Variants in MED12L observed in about 807,000 individuals in gnomAD.
The protein encoded by MED12L is mediator complex subunit 12L.
MED12L carries 60 observed loss-of-function variants against 281.3 expected under a neutral mutation model. That is an observed-to-expected ratio of 0.21 (90% CI 0.17 to 0.26). MED12L has a LOEUF of 0.26. Ranked by LOEUF, MED12L falls within the 10% of genes least tolerant of loss-of-function variation. MED12L has a pLI of 1.00. For missense variants in MED12L, 2,146 were observed against 2,680.9 expected (o/e 0.80, Z 4.41); for synonymous variants, 974 against 987.2 (o/e 0.99, Z 0.25).
intron 27 of MED12L, among the ~76,000 whole-genome samples, chr3:151,375,040 A>T (rs929894117): frequency 3.3e-5 from 5 of 152,188 alleles, no homozygotes; most frequent in African/African-American, 1.2e-4. Context: ...AACTATGGTA[A>T]AAGATAGCTA....
intron 16 of MED12L, among the ~76,000 whole-genome samples, chr3:151,343,345 A>T (rs1213813173): frequency 6.6e-6 from 1 of 152,204 alleles, no homozygotes; most frequent in Non-Finnish European, 1.5e-5. Context: ...AAACCTCTAG[A>T]AGGGCTAACA....
intron 16 of MED12L, chr3:151,294,009 T>C: frequency 1.6e-6 from 1 of 616,166 alleles, no homozygotes; most frequent in Admixed American, 3.1e-5. Flanking sequence ...TGTTTATCTC[T>C]TTGCTATGCT....
chr3:151,142,547 A>G lies in MED12L; in HGVS notation c.557-13614A>G, dbSNP rs530801916. 2.0e-5 allele frequency among the ~76,000 whole-genome samples: 3 copies of G among 152,328 alleles called. No homozygotes were observed. The East Asian group carries it at 5.8e-4, about 29-fold the overall frequency. Reference sequence around the variant, plus strand: ...TACTGTCTTCAGACCCCCTACCTCTATCCCAGACCCCTCCTTACATAGTTT... The same window carrying G: ...TACTGTCTTCAGACCCCCTACCTCTGTCCCAGACCCCTCCTTACATAGTTT... On this transcript the variant is annotated intron_variant, in intron 5 of 44. Transcript: ENST00000687756.
chr3:151,400,082 C>T (rs1436680806), intron 39 of MED12L, among the ~76,000 whole-genome samples: 1 of 152,154 alleles, frequency 6.6e-6, no homozygotes, highest in Non-Finnish European at 1.5e-5. Flanking sequence ...CTGTCTCGAC[C>T]TCCTATAGTG....
intron 39 of MED12L, among the ~76,000 whole-genome samples, chr3:151,402,458 A>G (rs1438458124): frequency 2.0e-5 from 3 of 152,170 alleles, no homozygotes; most frequent in Non-Finnish European, 4.4e-5. Context: ...ACTTGGATTT[A>G]CTGGGGATGG....
At chr3:151,129,438 A>G (rs1161420640) in intron 5 of MED12L, among the ~76,000 whole-genome samples, 1 of 152,102 alleles carries the variant, frequency 6.6e-6, no homozygotes, top group East Asian at 1.9e-4. Context: ...ATGGCCTCTT[A>G]GTGTTGTTTT....
chr3:151,219,896 C>T (rs978018899), intron 16 of MED12L, among the ~76,000 whole-genome samples: 14 of 135,102 alleles, frequency 1.0e-4, no homozygotes, highest in African/African-American at 3.3e-4. Flanking sequence ...ATATTACCCC[C>T]CCCCCCCCCT....
intron 16 of MED12L, chr3:151,212,766 A>G (rs1727388977): frequency 2.0e-5 from 3 of 151,770 alleles, no homozygotes. Flanking sequence ...TTCTTAAGTG[A>G]TTGTCTGGGT....
At chr3:151,337,918 T>C (rs1376383529) in intron 16 of MED12L, 3 of 1,614,120 alleles carry the variant, frequency 1.9e-6, no homozygotes, top group East Asian at 2.2e-5. Flanking sequence ...AGCATACTTA[T>C]CAAGGAATTT....
At chr3:151,237,724 A>C (rs1283181394) in intron 16 of MED12L, among the ~76,000 whole-genome samples, 2 of 152,180 alleles carry the variant, frequency 1.3e-5, no homozygotes, top group Non-Finnish European at 2.9e-5. Context: ...TGTGGATATC[A>C]GTCCTCTCTG....
At chr3:151,286,785 C>G (rs921976543) in intron 16 of MED12L, among the ~76,000 whole-genome samples, 6 of 152,194 alleles carry the variant, frequency 3.9e-5, no homozygotes, top group Admixed American at 3.3e-4. Flanking sequence ...GCAACACTTT[C>G]ACTCTCAAAA....
chr3:151,113,681 A>C (rs1048488027), intron 2 of MED12L, among the ~76,000 whole-genome samples: 4 of 152,234 alleles, frequency 2.6e-5, no homozygotes, highest in African/African-American at 7.2e-5. Context: ...CAAAGCTCCC[A>C]ATAATATCTG....
At chr3:151,198,631 T>A (rs533481433) in intron 16 of MED12L, 13 of 1,613,862 alleles carry the variant, frequency 8.1e-6, no homozygotes, top group Non-Finnish European at 1.0e-5. Context: ...CAGTTATGAC[T>A]TCTGTCTGGC....
chr3:151,148,501 C>CT (rs1458741093), intron 5 of MED12L, among the ~76,000 whole-genome samples: 1 of 152,208 alleles, frequency 6.6e-6, no homozygotes, highest in Admixed American at 6.5e-5. Context: ...GTTAAACCCT[C>CT]TATGTCCTGC....
chr3:151,331,700 C>T (rs887831133), intron 16 of MED12L, among the ~76,000 whole-genome samples: 1 of 152,172 alleles, frequency 6.6e-6, no homozygotes, highest in Non-Finnish European at 1.5e-5. Context: ...CATTTAAGAT[C>T]CTATAGGGCT....
intron 16 of MED12L, chr3:151,212,680 A>G (rs955131074): frequency 6.6e-6 from 1 of 152,144 alleles, no homozygotes. Flanking sequence ...CTATCAGAAA[A>G]AAAAAATTTT....
intron 16 of MED12L, among the ~76,000 whole-genome samples, chr3:151,240,712 A>G (rs1669131555): frequency 6.6e-6 from 1 of 152,238 alleles, no homozygotes; most frequent in Admixed American, 6.5e-5. Flanking sequence ...TGCTGCTGTT[A>G]TGTAAATATC....
chr3:151,374,105 A>T (rs1756521721), intron 27 of MED12L, among the ~76,000 whole-genome samples: 1 of 152,196 alleles, frequency 6.6e-6, no homozygotes. Flanking sequence ...CCCTAGTAAG[A>T]ATGCTGATTC....
intron 16 of MED12L, among the ~76,000 whole-genome samples, chr3:151,307,740 A>C (rs1746904963): frequency 6.6e-6 from 1 of 152,152 alleles, no homozygotes; most frequent in Non-Finnish European, 1.5e-5. Context: ...GCCCAATACC[A>C]CACAGATGGT....
Sources: gnomAD v4.1 joint callset for allele counts (sites outside exome capture counted in the v4.1 genomes callset) on GRCh38, gnomAD v4.1.1 for gene constraint, MANE v1.5 for transcripts, NCBI Gene and HGNC (gene_info 2026-07-23, HGNC 2026-07-21) for gene names.